PHF19: variants seen among roughly 807,000 people sequenced by gnomAD.
The protein encoded by PHF19 is polycomb like 3.
Under a neutral mutation model 79.8 loss-of-function variants are expected in PHF19, and 21 were observed. That is an observed-to-expected ratio of 0.26 (90% CI 0.19 to 0.38). The LOEUF is 0.38. PHF19 is among the 10% of genes least tolerant of loss of function. The pLI, the probability that PHF19 is intolerant of heterozygous loss-of-function variation, is 1.00. For missense variants in PHF19, 445 were observed against 744.2 expected, an observed-to-expected ratio of 0.60 and a Z score of 4.68; for synonymous variants, 273 against 296.3, an observed-to-expected ratio of 0.92 and a Z score of 0.81.
intron 3 of PHF19, among the ~76,000 whole-genome samples, chr9:120,872,351 A>G (rs1443560092): frequency 6.6e-6 from 1 of 152,212 alleles, no homozygotes; most frequent in Admixed American, 6.5e-5. Context: ...TGGCTAGGAG[A>G]CAAGCCACTC....
the PHF19 span, among the ~76,000 whole-genome samples, chr9:120,901,765 G>A: frequency 6.6e-6 from 1 of 152,142 alleles, no homozygotes; most frequent in Non-Finnish European, 1.5e-5. Context: ...TAAGTGATGA[G>A]GATCAGATGT....
intron 1 of PHF19, among the ~76,000 whole-genome samples, chr9:120,886,230 T>C (rs995474197): frequency 1.3e-5 from 2 of 152,228 alleles, no homozygotes; most frequent in Non-Finnish European, 2.9e-5. Context: ...GAGCTCTTCA[T>C]TGCAGATGTG....
At chr9:120,893,943 C>A (rs2046372685) in intron 1 of PHF19, among the ~76,000 whole-genome samples, 1 of 152,154 alleles carries the variant, frequency 6.6e-6, no homozygotes. Context: ...AGACTGGGAG[C>A]TCTTATAAAT....
At position 120,860,443 on chromosome 9, in the gene PHF19, G is replaced by A. The variant is rs113411934; in HGVS notation, c.1305-258C>T. 2.1e-6 allele frequency: 1 copy of A among 466,954 alleles called. No individual in the cohort carries two copies. Among genetic ancestry groups the A allele is most frequent in the Non-Finnish European group, 4.0e-6 (1 of 252,038 alleles). The allele number at this position is 466,954 out of a possible 1,614,324, so 28.9% of individuals were successfully genotyped here. On this transcript the variant is annotated intron_variant, in intron 13 of 14. Transcript: ENST00000373896. This position sits in a 1 kb window ranked among gnomAD's most constrained non-coding sequence, Gnocchi z 4.1. ...GTCAATAACTCGAGCGTGATCCAAG[G>A]CACCTGTGCAACACTTCACAGGTCA...
upstream of PHF19, among the ~76,000 whole-genome samples, chr9:120,895,803 C>A (rs1450730213): frequency 2.0e-5 from 3 of 152,092 alleles, no homozygotes; most frequent in Non-Finnish European, 4.4e-5. Context: ...CAGGCATGCA[C>A]CACCACACCC....
chr9:120,893,779 C>G (rs765633335), intron 1 of PHF19, among the ~76,000 whole-genome samples: 38 of 152,286 alleles, frequency 2.5e-4, no homozygotes, highest in African/African-American at 8.9e-4. Context: ...AATACTGTTA[C>G]GAGGGAGAAA....
At position 120,874,126 on chromosome 9, in the gene PHF19, T is replaced by G. The variant is rs1279024950; in HGVS notation, c.187-66A>C. 15 of 826,980 alleles carry G rather than the reference T, an allele frequency of 1.8e-5. No individual in the cohort carries two copies. Among genetic ancestry groups the G allele is most frequent in the Non-Finnish European group, 3.1e-5 (15 of 486,936 alleles). 51.2% of individuals were successfully genotyped at this position (826,980 alleles called of 1,614,324 possible). Reference sequence around the variant, plus strand: ...GGAAAAGCCAACCTGGAACATAGTCTTCCTCCCCCATTTTTGTCTCCGTAT... The same window carrying G: ...GGAAAAGCCAACCTGGAACATAGTCGTCCTCCCCCATTTTTGTCTCCGTAT... On this transcript the variant is annotated intron_variant, in intron 2 of 14. Coordinates refer to ENST00000373896, the MANE Select transcript of PHF19 (RefSeq NM_015651.3). The surrounding 1 kb of genome is among the most constrained non-coding windows in gnomAD (Gnocchi z 4.5).
At chr9:120,882,559 C>T (rs1222152929) in intron 1 of PHF19, among the ~76,000 whole-genome samples, 1 of 152,106 alleles carries the variant, frequency 6.6e-6, no homozygotes, top group East Asian at 1.9e-4. Flanking sequence ...AAGTGCTCTA[C>T]AGCCAGGCAC....
At chr9:120,886,686 G>A (rs995629772) in intron 1 of PHF19, among the ~76,000 whole-genome samples, 1 of 152,174 alleles carries the variant, frequency 6.6e-6, no homozygotes, top group African/African-American at 2.4e-5. Flanking sequence ...TGTAGTCACC[G>A]CCCTCTGGCA....
intron 6 of PHF19, chr9:120,868,262 G>T (rs2045765037): frequency 6.6e-6 from 1 of 152,198 alleles, no homozygotes; most frequent in African/African-American, 2.4e-5. Context: ...TATCTCACCA[G>T]CAGCCGGTTC....
Position 120,857,791 on chromosome 9 carries a change from G to A in PHF19, c.*153C>T, listed in dbSNP as rs1001685425. On this transcript the variant is annotated 3_prime_UTR_variant, in exon 15 of 15. Coordinates refer to ENST00000373896, the MANE Select transcript of PHF19 (RefSeq NM_015651.3). ...GGTACAGCAGAGAGACGCAGGCCTT[G>A]GCCTGGCAGGCAGGCAGGCAGGGCA... 7 of 574,244 alleles carry A rather than the reference G, an allele frequency of 1.2e-5. No homozygotes were observed. The highest frequency in any genetic ancestry group is 2.2e-5 in the Non-Finnish European group (7 of 323,040). The allele number at this position is 574,244 out of a possible 1,614,324, so 35.6% of individuals were successfully genotyped here. A position where few individuals can be genotyped will look rare whatever the true frequency, so the allele number is the denominator to read the frequency against.
chr9:120,884,420 TGAG>T (rs2046235032), intron 1 of PHF19, among the ~76,000 whole-genome samples: 7 of 15,802 alleles, frequency 4.4e-4, no homozygotes, highest in Admixed American at 3.7e-3. Flanking sequence ...AGGAAATGTA[TGAG>T]ATGAGAGCTG....
Position 120,862,055 on chromosome 9 carries a change from C to A in PHF19, c.1131-50G>T. On this transcript the variant is annotated intron_variant, in intron 11 of 14. Transcript: ENST00000373896. This position sits in a 1 kb window ranked among gnomAD's most constrained non-coding sequence, Gnocchi z 4.6. ...GTGGCCCCGTCAGAGCCTGAGGGCCCTAGGGTGGCCCAGAGGGAGGCGCCG... is the reference window on the plus strand; with the variant it reads ...GTGGCCCCGTCAGAGCCTGAGGGCCATAGGGTGGCCCAGAGGGAGGCGCCG... 7.1e-7 allele frequency: 1 copy of A among 1,411,334 alleles called. No homozygotes were observed. The allele number at this position is 1,411,334 out of a possible 1,614,324, so 87.4% of individuals were successfully genotyped here.
chr9:120,876,761 C>G (rs2046072244), intron 1 of PHF19, among the ~76,000 whole-genome samples: 1 of 152,228 alleles, frequency 6.6e-6, no homozygotes, highest in Non-Finnish European at 1.5e-5. Flanking sequence ...CTCCCCCATC[C>G]CAACCCTGCC....
At chr9:120,883,810 T>TG (rs1159119328) in intron 1 of PHF19, among the ~76,000 whole-genome samples, 6 of 128,598 alleles carry the variant, frequency 4.7e-5, no homozygotes, top group Admixed American at 1.6e-4. Context: ...AGCTAGGGGG[T>TG]GGGGCTAGGG....
chr9:120,873,783 G>A (rs535073823), intron 3 of PHF19, among the ~76,000 whole-genome samples, 196 bp downstream of exon 3: 3 of 152,324 alleles, frequency 2.0e-5, no homozygotes, highest in East Asian at 1.9e-4. Flanking sequence ...TTCTCAAGGG[G>A]ATGACTCATG....
Position 120,874,721 on chromosome 9 carries a change from A to T in PHF19, c.21T>A (p.Asp7Glu). 6.2e-7 allele frequency: 1 copy of T among 1,613,672 alleles called. No individual in the cohort carries two copies. Among genetic ancestry groups the T allele is most frequent in the East Asian group, 2.2e-5 (1 of 44,884 alleles). ...CACCATAGGAGTCCCGAGTCCCTGGATCCAGAGCTCGATTCTCCATCAGCT... is the reference window on the plus strand; with the variant it reads ...CACCATAGGAGTCCCGAGTCCCTGGTTCCAGAGCTCGATTCTCCATCAGCT... Reference protein sequence around the residue: MENRALDPGTRDSYGAT... With the variant: MENRALEPGTRDSYGAT... The change falls in exon 2 of 15, where the codon GAT (aspartate) becomes GAA (glutamate). Residue 7 changes from aspartate (D) to glutamate (E), a missense_variant. Physicochemically the swap from Asp to Glu is conservative, Grantham distance 45. Coordinates refer to ENST00000373896, the MANE Select transcript of PHF19 (RefSeq NM_015651.3). This position sits in a 1 kb window ranked among gnomAD's most constrained non-coding sequence, Gnocchi z 4.5.
chr9:120,866,134 G>T lies in PHF19; in HGVS notation c.711-38C>A, dbSNP rs759566277. ...AGAGACGGGGGCCTATGGTGGGAGG[G>T]GCTCTGACACCCCCACCCCAGTCCA... On this transcript the variant is annotated intron_variant, in intron 7 of 14. Transcript: ENST00000373896. This position sits in a 1 kb window ranked among gnomAD's most constrained non-coding sequence, Gnocchi z 5.2. 1.4e-6 allele frequency: 2 copies of T among 1,462,516 alleles called. No homozygotes were observed. Among genetic ancestry groups the T allele is most frequent in the Non-Finnish European group, 1.9e-6 (2 of 1,042,298 alleles). The allele number at this position is 1,462,516 out of a possible 1,614,324, so 90.6% of individuals were successfully genotyped here. A position where few individuals can be genotyped will look rare whatever the true frequency, so the allele number is the denominator to read the frequency against.
At chr9:120,883,890 G>A (rs1321431574) in intron 1 of PHF19, among the ~76,000 whole-genome samples, 3 of 152,130 alleles carry the variant, frequency 2.0e-5, no homozygotes, top group African/African-American at 7.2e-5. Flanking sequence ...AGGAGGGTCA[G>A]ACCACAATGA....
Sources: allele counts gnomAD v4.1 joint callset (sites outside exome capture counted in the v4.1 genomes callset), GRCh38; gene constraint gnomAD v4.1.1; non-coding constraint Gnocchi (gnomAD v3.1); transcripts MANE v1.5; gene names NCBI Gene and HGNC (gene_info 2026-07-23, HGNC 2026-07-21).